The following RSPRY1 variants were observed in gnomAD, a reference collection of about 807,000 sequenced individuals.
RSPRY1 encodes RING finger and SPRY domain-containing protein 1.
In RSPRY1, 23 loss-of-function variants were observed where a neutral mutation model predicts 73.1. That is an observed-to-expected ratio of 0.31 (90% CI 0.23 to 0.45). RSPRY1 has a LOEUF of 0.45. RSPRY1 is among the 20% of genes least tolerant of loss of function. The pLI, the probability that RSPRY1 is intolerant of heterozygous loss-of-function variation, is 1.00. For synonymous variants in RSPRY1, 226 were observed against 251.4 expected, an observed-to-expected ratio of 0.90 and a Z score of 0.95; for missense variants, 448 against 698.7, an observed-to-expected ratio of 0.64 and a Z score of 4.05.
chr16:57,204,740 G>C lies in RSPRY1; in HGVS notation c.82G>C (p.Ala28Pro). 1 of 1,614,144 alleles carries C rather than the reference G, an allele frequency of 6.2e-7. No homozygotes were observed. The highest frequency in any genetic ancestry group is 1.1e-5 in the South Asian group (1 of 91,074). Reference protein sequence around the residue: ...GLLLTLEEHIAHFLGTGGAAT... With the variant: ...GLLLTLEEHIPHFLGTGGAAT... ...GTTGTTGACTCTCGAAGAGCACATA[G>C]CCCACTTCCTAGGGACTGGAGGTGC... The change falls in exon 2 of 15, where the codon GCC (alanine) becomes CCC (proline). Residue 28 changes from alanine to proline, a missense_variant. Transcript: ENST00000394420.
rs73553049 is a variant in RSPRY1, at chr16:57,227,210, A to C, written c.1162-132A>C. ...GTCATAATTTTAGTATTTTCAAAAA[A>C]CCATGAGCTCTCTCATCATCCAGAA... On this transcript the variant is annotated intron_variant, in intron 10 of 14. Transcript: ENST00000394420. 3.3e-3 allele frequency: 2,099 copies of C among 640,258 alleles called. 37 individuals carry two copies. In the African/African-American group the frequency reaches 0.035, roughly 11 times the overall value. 39.7% of individuals were successfully genotyped at this position (640,258 alleles called of 1,614,324 possible). A position where few individuals can be genotyped will look rare whatever the true frequency, so the allele number is the denominator to read the frequency against.
At chr16:57,193,885 G>C (rs921162725) in intron 1 of RSPRY1, among the ~76,000 whole-genome samples, 3 of 152,092 alleles carry the variant, frequency 2.0e-5, no homozygotes, top group Non-Finnish European at 2.9e-5. Context: ...AGCCCACATG[G>C]TGAAACCCCA....
intron 10 of RSPRY1, among the ~76,000 whole-genome samples, chr16:57,225,226 A>G (rs2075102576): frequency 6.6e-6 from 1 of 152,112 alleles, no homozygotes; most frequent in African/African-American, 2.4e-5. Context: ...ACACCTGGAT[A>G]ATTTTTGTAT....
chr16:57,221,542 A>G (rs1481948307), intron 10 of RSPRY1, 127 bp downstream of exon 10: 17 of 968,808 alleles, frequency 1.8e-5, no homozygotes, highest in Admixed American at 1.5e-4. Context: ...GCAGAGCCAC[A>G]TGGTACCAGG....
At chr16:57,229,029 C>G (rs1597923306) in intron 11 of RSPRY1, among the ~76,000 whole-genome samples, 1 of 152,194 alleles carries the variant, frequency 6.6e-6, no homozygotes, top group Non-Finnish European at 1.5e-5. Flanking sequence ...TCTCAGTATT[C>G]CATTATATAG....
chr16:57,223,107 G>A (rs954997024), intron 10 of RSPRY1, among the ~76,000 whole-genome samples: 1 of 152,142 alleles, frequency 6.6e-6, no homozygotes, highest in African/African-American at 2.4e-5. Flanking sequence ...AGTCTGATAC[G>A]ATGTCTTTTC....
At chr16:57,216,069 ATTTTTTT>A in intron 6 of RSPRY1, 31 bp from the exon 7 acceptor site, 2 of 1,200,104 alleles carry the variant, frequency 1.7e-6, no homozygotes, top group Non-Finnish European at 2.3e-6. Flanking sequence ...CAGGGGAATG[ATTTTTTT>A]TTTTTTTTTT....
rs866536199 is a variant in RSPRY1, at chr16:57,200,765, T to C, written c.-155-3739T>C. Among the ~76,000 whole-genome samples the C allele has an allele frequency of 2.9e-3, 275 of 94,922 alleles. 5 individuals are homozygous for C. The highest frequency in any genetic ancestry group is 0.011 in the African/African-American group (247 of 22,024). 62.3% of individuals were successfully genotyped at this position (94,922 alleles called of 152,430 possible). On this transcript the variant is annotated intron_variant, in intron 1 of 14. Coordinates refer to ENST00000394420, the MANE Select transcript of RSPRY1 (RefSeq NM_133368.3). Reference sequence around the variant, plus strand: ...GCAGAGGCGCCCCTCACCTCCCGGATGGGGCGGCTGGCCGGGCTGGGGGCT... The same window carrying C: ...GCAGAGGCGCCCCTCACCTCCCGGACGGGGCGGCTGGCCGGGCTGGGGGCT...
chr16:57,199,276 C>T lies in RSPRY1; in HGVS notation c.-155-5228C>T, dbSNP rs180700504. On this transcript the variant is annotated intron_variant, in intron 1 of 14. Coordinates refer to ENST00000394420, the MANE Select transcript of RSPRY1 (RefSeq NM_133368.3). Reference sequence around the variant, plus strand: ...TTGGTAGGCCGAGGCGGGCGGATCACGAAGTCAAGAGTTTGAGACCAGCCT... The same window carrying T: ...TTGGTAGGCCGAGGCGGGCGGATCATGAAGTCAAGAGTTTGAGACCAGCCT... Among the ~76,000 whole-genome samples, 20 of 152,258 alleles carry T rather than the reference C, an allele frequency of 1.3e-4. No individual in the cohort carries two copies. The East Asian group carries it at 2.7e-3, about 21-fold the overall frequency.
chr16:57,211,204 G>T (rs2074836460), intron 4 of RSPRY1, among the ~76,000 whole-genome samples: 1 of 151,408 alleles, frequency 6.6e-6, no homozygotes, highest in South Asian at 2.1e-4. Context: ...CAAGGCAGGA[G>T]GATCAGTTAA....
At chr16:57,216,443 T>C (rs895326392) in intron 7 of RSPRY1, 4 of 420,188 alleles carry the variant, frequency 9.5e-6, no homozygotes, top group African/African-American at 6.2e-5. Context: ...TAGAAAAAAG[T>C]ATGGTGGCTC....
intron 13 of RSPRY1, 107 bp downstream of exon 13, chr16:57,231,426 C>A: frequency 8.6e-7 from 1 of 1,158,948 alleles, no homozygotes; most frequent in Non-Finnish European, 1.2e-6. Context: ...TTTTGAAAAC[C>A]TGAGTAAAAT....
At chr16:57,189,327 G>A (rs1189530212) in intron 1 of RSPRY1, among the ~76,000 whole-genome samples, 2 of 151,922 alleles carry the variant, frequency 1.3e-5, no homozygotes, top group African/African-American at 2.4e-5. Context: ...ATTGATTATA[G>A]GAGGTATACC....
chr16:57,215,494 A>T (rs2074923369), intron 6 of RSPRY1, among the ~76,000 whole-genome samples: 1 of 152,096 alleles, frequency 6.6e-6, no homozygotes, highest in South Asian at 2.1e-4. Context: ...CACAGCTATG[A>T]GAAGGTGTCA....
At chr16:57,196,237 C>T (rs2074445036) in intron 1 of RSPRY1, among the ~76,000 whole-genome samples, 1 of 151,986 alleles carries the variant, frequency 6.6e-6, no homozygotes, top group Admixed American at 6.6e-5. Flanking sequence ...ATGTACTGTA[C>T]ATGTCACTTA....
intron 1 of RSPRY1, among the ~76,000 whole-genome samples, chr16:57,202,908 C>A (rs911317515): frequency 6.4e-5 from 6 of 94,022 alleles, no homozygotes; most frequent in South Asian, 1.0e-3. Context: ...ATATATATAT[C>A]TGAAGACTTT....
intron 11 of RSPRY1, among the ~76,000 whole-genome samples, chr16:57,230,292 G>A (rs1047618233): frequency 3.9e-5 from 6 of 152,108 alleles, no homozygotes; most frequent in African/African-American, 9.7e-5. Context: ...GATTACAGGC[G>A]TGAGCCACCT....
intron 1 of RSPRY1, among the ~76,000 whole-genome samples, chr16:57,199,447 G>T (rs1230739530): frequency 6.6e-6 from 1 of 152,044 alleles, no homozygotes; most frequent in Non-Finnish European, 1.5e-5. Flanking sequence ...AGCCAAGATC[G>T]TACCATTGCA....
At chr16:57,193,545 G>A (rs762173268) in intron 1 of RSPRY1, among the ~76,000 whole-genome samples, 3 of 151,182 alleles carry the variant, frequency 2.0e-5, no homozygotes, top group African/African-American at 7.3e-5. Context: ...CAGGCTTGAG[G>A]GTAGTGGGAT....
Sources: gnomAD v4.1 joint callset for allele counts (sites outside exome capture counted in the v4.1 genomes callset) on GRCh38, gnomAD v4.1.1 for gene constraint, MANE v1.5 for transcripts, NCBI Gene and HGNC (gene_info 2026-07-23, HGNC 2026-07-21) for gene names.